ZNF518B: variants seen among roughly 807,000 people sequenced by gnomAD.
ZNF518B encodes zinc finger protein 518B.
Under a neutral mutation model 56.3 loss-of-function variants are expected in ZNF518B, and 23 were observed. The observed-to-expected ratio is 0.41, with a 90% CI of 0.29 to 0.58. The LOEUF is 0.58. ZNF518B is among the 20% of genes least tolerant of loss of function. The probability of loss-of-function intolerance (pLI) is 0.32; values close to 1 mark genes in which losing one functional copy is unlikely to be tolerated. For missense variants in ZNF518B, 1,460 were observed against 1,272.1 expected, an observed-to-expected ratio of 1.15 and a Z score of -2.25; for synonymous variants, 529 against 465.9, an observed-to-expected ratio of 1.14 and a Z score of -1.74.
rs759786946 is a variant in ZNF518B, at chr4:10,444,717, A to T, written c.1612T>A (p.Ser538Thr). The change falls in exon 3 of 3, where the codon TCC becomes ACC. Residue 538 changes from serine (S) to threonine (T), a missense_variant. Transcript: ENST00000326756. ...AATAAGCCCTTTTCTCCAGAGAAGG[A>T]ACAGGTTGCAGGTGATGCAGCAAAT... ...LPFAASPATC[S>T]FSGEKGLLPV... is the part of the protein sequence containing the mutation. 7 of 1,614,212 alleles carry T rather than the reference A, an allele frequency of 4.3e-6. No individual in the cohort carries two copies. The South Asian group carries it at 7.7e-5, about 18-fold the overall frequency.
chr4:10,443,961 T>C lies in ZNF518B; in HGVS notation c.2368A>G (p.Ile790Val), dbSNP rs1714820574. 3 of 1,613,370 alleles carry C rather than the reference T, an allele frequency of 1.9e-6. No individual in the cohort carries two copies. Among genetic ancestry groups the C allele is most frequent in the Admixed American group, 1.7e-5 (1 of 59,946 alleles). Residue 790 changes from isoleucine to valine, a missense_variant, in exon 3 of 3, where the codon ATA becomes GTA. Ile to Val is a conservative substitution (Grantham distance 29, BLOSUM62 3). Coordinates refer to ENST00000326756, the MANE Select transcript of ZNF518B (RefSeq NM_053042.3). The part of the protein sequence containing the change: ...VLNSSENAHI[I>V]EATCEAPVSI... ...ACAGGTGCTTCACATGTAGCCTCTA[T>C]GATGTGGGCATTCTCAGAGGAATTA...
intron 2 of ZNF518B, chr4:10,452,356 T>C (rs1715354969): frequency 6.6e-6 from 1 of 152,096 alleles, no homozygotes. Flanking sequence ...TTAAGCCCAA[T>C]GGCATAACCA....
upstream of ZNF518B, among the ~76,000 whole-genome samples, chr4:10,458,431 A>G (rs1272323912): frequency 1.3e-5 from 2 of 152,166 alleles, no homozygotes; most frequent in Admixed American, 6.5e-5. Context: ...TGCTGCACGG[A>G]GGAGATGTGG....
chr4:10,460,044 C>T (rs569761720), upstream of ZNF518B, among the ~76,000 whole-genome samples: 38 of 152,164 alleles, frequency 2.5e-4, no homozygotes, highest in African/African-American at 8.4e-4. Flanking sequence ...GTAGCTCATG[C>T]CTGTAATCCT....
In ZNF518B at chr4:10,446,427, G is replaced by C; in HGVS notation, c.-99C>G. Reference sequence around the variant, plus strand: ...CTTCTATACAGTTTGTGATGGGTAGGGGCGCAGCTACTTCTTGGGTGCATA... The same window carrying C: ...CTTCTATACAGTTTGTGATGGGTAGCGGCGCAGCTACTTCTTGGGTGCATA... On this transcript the variant is annotated 5_prime_UTR_variant, in exon 3 of 3. Transcript: ENST00000326756. The C allele has an allele frequency of 7.8e-6, 9 of 1,147,954 alleles. No individual in the cohort carries two copies. The highest frequency in any genetic ancestry group is 1.1e-5 in the Non-Finnish European group (9 of 798,026). 71.1% of individuals were successfully genotyped at this position (1,147,954 alleles called of 1,614,324 possible).
rs375966003 is a variant in ZNF518B at position 10,442,820 on chromosome 4, GAA to G, written c.*282_*283del. ...CTCAGAAAACGGGGTGCTAAACAAAGAAAAGTCTCAGATCCCACTGAAAATCT... is the reference window on the plus strand; with the variant it reads ...CTCAGAAAACGGGGTGCTAAACAAAGAAGTCTCAGATCCCACTGAAAATCT... On this transcript the variant is annotated 3_prime_UTR_variant, in exon 3 of 3. Coordinates refer to ENST00000326756, the MANE Select transcript of ZNF518B (RefSeq NM_053042.3). 2.5e-4 allele frequency: 91 copies of G among 359,362 alleles called. No individual in the cohort carries two copies. In the Middle Eastern group the frequency reaches 4.0e-3, roughly 16 times the overall value. 22.3% of individuals were successfully genotyped at this position (359,362 alleles called of 1,614,324 possible).
chr4:10,443,592 C>T lies in ZNF518B; in HGVS notation c.2737G>A (p.Asp913Asn), dbSNP rs2108983481. ...IQAEPSRCLK[D>N]PSIFQVARQL... ...CTTGCAACCTGAAAAATTGAAGGAT[C>T]CTTGAGACAGCGGCTAGGTTCAGCT... is the stretch of plus-strand genomic sequence containing the variant. Residue 913 changes from aspartate to asparagine, a missense_variant, in exon 3 of 3, where the codon GAT (aspartate) becomes AAT (asparagine). Coordinates refer to ENST00000326756, the MANE Select transcript of ZNF518B (RefSeq NM_053042.3). 1 of 1,614,124 alleles carries T rather than the reference C, an allele frequency of 6.2e-7. No individual in the cohort carries two copies. Among genetic ancestry groups the T allele is most frequent in the Non-Finnish European group, 8.5e-7 (1 of 1,180,026 alleles).
chr4:10,450,661 T>A (rs964961560), intron 2 of ZNF518B, among the ~76,000 whole-genome samples: 1 of 152,128 alleles, frequency 6.6e-6, no homozygotes, highest in African/African-American at 2.4e-5. Context: ...AAGTTATGAC[T>A]CTCTGGATGG....
At chr4:10,461,085 AG>A (rs1715729182), upstream of ZNF518B, among the ~76,000 whole-genome samples, 1 of 152,266 alleles carries the variant, frequency 6.6e-6, no homozygotes, top group Admixed American at 6.5e-5. Flanking sequence ...CAGGAGGTTA[AG>A]GATGTAGAGC....
upstream of ZNF518B, among the ~76,000 whole-genome samples, chr4:10,458,220 C>T (rs1715630120): frequency 6.6e-6 from 1 of 152,180 alleles, no homozygotes; most frequent in South Asian, 2.1e-4. Context: ...CCCGCACAAT[C>T]AGTGACTCCC....
chr4:10,447,420 G>A (rs1715107769), intron 2 of ZNF518B, among the ~76,000 whole-genome samples: 1 of 152,062 alleles, frequency 6.6e-6, no homozygotes, highest in South Asian at 2.1e-4. Context: ...GGTGTTTCAA[G>A]CACAGAAAAG....
rs749369449 is a variant in ZNF518B at position 10,443,756 on chromosome 4, T to A, written c.2573A>T (p.His858Leu). The A allele has an allele frequency of 6.2e-7, 1 of 1,614,238 alleles. No individual in the cohort carries two copies. The highest frequency in any genetic ancestry group is 8.5e-7 in the Non-Finnish European group (1 of 1,180,046). The change falls in exon 3 of 3, where the codon CAT becomes CTT. Residue 858 changes from histidine (H) to leucine (L), a missense_variant. Coordinates refer to ENST00000326756, the MANE Select transcript of ZNF518B (RefSeq NM_053042.3). ...RKESAVCSTI[H>L]RKTGLLYGQQ... ...TCCATACAAGAGGCCAGTTTTTCTA[T>A]GGATGGTGCTACAGACAGCACTCTC... is the stretch of plus-strand genomic sequence containing the variant.
At chr4:10,456,425 C>T (rs561514672) in intron 1 of ZNF518B, among the ~76,000 whole-genome samples, 17 of 152,202 alleles carry the variant, frequency 1.1e-4, no homozygotes, top group Admixed American at 4.6e-4. Flanking sequence ...ACGGGCAGGC[C>T]GGTATGGGGA....
chr4:10,456,446 T>C (rs932241983), intron 1 of ZNF518B, among the ~76,000 whole-genome samples: 10 of 152,046 alleles, frequency 6.6e-5, no homozygotes, highest in African/African-American at 2.4e-4. Context: ...GGTCCCACAA[T>C]GACATCAGCA....
Position 10,444,640 on chromosome 4 carries a change from T to G in ZNF518B, c.1689A>C (p.Val563=). The G allele has an allele frequency of 6.2e-7, 1 of 1,614,226 alleles. No homozygotes were observed. ...GCTTCCTATTAGAGGAAACCACTTT[T>G]ACAGGAATATTGACTTTACTTGTAG... The part of the protein sequence containing the change: ...LESTSKVNIP[V]KVVSSNRKQE... Residue 563 remains valine (V), a synonymous_variant, in exon 3 of 3, where the codon GTA becomes GTC. Coordinates refer to ENST00000326756, the MANE Select transcript of ZNF518B (RefSeq NM_053042.3).
In ZNF518B at chr4:10,444,995, G is replaced by T. The variant is rs768118860; in HGVS notation, c.1334C>A (p.Ser445Tyr). The change falls in exon 3 of 3, where the codon TCT becomes TAT. Residue 445 changes from serine (S) to tyrosine (Y), a missense_variant. Coordinates refer to ENST00000326756, the MANE Select transcript of ZNF518B (RefSeq NM_053042.3). ...GGATTTTCCATTGTTGTGCACACTA[G>T]AATTTGGCATAATAAAATCATAAGA... ...VRSYDFIMPN[S>Y]SVHNNGKSFI... 53 of 1,613,990 alleles carry T rather than the reference G, an allele frequency of 3.3e-5. No individual in the cohort carries two copies. The highest frequency in any genetic ancestry group is 4.5e-5 in the Non-Finnish European group (53 of 1,180,036).
Position 10,446,065 on chromosome 4 carries a change from C to T in ZNF518B, c.264G>A (p.Gln88=), listed in dbSNP as rs376118146. Residue 88 remains glutamine, a synonymous_variant, in exon 3 of 3, where the codon CAG becomes CAA. Transcript: ENST00000326756. Reference sequence around the variant, plus strand: ...TGGGAGGAGCTGCACCGAGGCTGCACTGGAAGCAGACATACATACCGTCCT... The same window carrying T: ...TGGGAGGAGCTGCACCGAGGCTGCATTGGAAGCAGACATACATACCGTCCT... ...TGKDGMYVCF[Q]CSLGAAPPNF... 1 of 1,614,152 alleles carries T rather than the reference C, an allele frequency of 6.2e-7. No individual in the cohort carries two copies. Among genetic ancestry groups the T allele is most frequent in the Non-Finnish European group, 8.5e-7 (1 of 1,180,034 alleles).
rs1714732001 is a variant in ZNF518B at position 10,442,576 on chromosome 4, G to C, written c.*528C>G. The stretch of plus-strand genomic sequence containing the variant: ...TCGGGAGTATTACAAAACCAGGGAG[G>C]GAGTAAAAGAATGGCCATTTCTCTA... On this transcript the variant is annotated 3_prime_UTR_variant, in exon 3 of 3. Transcript: ENST00000326756. The C allele has an allele frequency of 6.5e-6, 1 of 153,772 alleles. No homozygotes were observed. Among genetic ancestry groups the C allele is most frequent in the East Asian group, 1.9e-4 (1 of 5,208 alleles). The allele number at this position is 153,772 out of a possible 1,614,324, so 9.5% of individuals were successfully genotyped here. A position where few individuals can be genotyped will look rare whatever the true frequency, so the allele number is the denominator to read the frequency against.
At position 10,443,690 on chromosome 4, in the gene ZNF518B, A is replaced by G; in HGVS notation, c.2639T>C (p.Leu880Pro). Reference sequence around the variant, plus strand: ...TCTACTTATAGAAAGACTTCTGGAAAGCAGTCTCCCTTGCTTATTTAATTC... The same window carrying G: ...TCTACTTATAGAAAGACTTCTGGAAGGCAGTCTCCCTTGCTTATTTAATTC... ...SSELNKQGRL[L>P]SRSLSISRNK... The change falls in exon 3 of 3, where the codon CTT (leucine) becomes CCT (proline). Residue 880 changes from leucine (L) to proline (P), a missense_variant. Coordinates refer to ENST00000326756, the MANE Select transcript of ZNF518B (RefSeq NM_053042.3). 1 of 1,614,138 alleles carries G rather than the reference A, an allele frequency of 6.2e-7. No homozygotes were observed.
Sources: allele counts gnomAD v4.1 joint callset (sites outside exome capture counted in the v4.1 genomes callset), GRCh38; gene constraint gnomAD v4.1.1; transcripts MANE v1.5; gene names NCBI Gene and HGNC (gene_info 2026-07-23, HGNC 2026-07-21).